The following FAM53A variants were observed in gnomAD, a reference collection of about 807,000 sequenced individuals.
FAM53A encodes protein FAM53A.
A neutral mutation model predicts 26.6 loss-of-function variants in FAM53A; 28 were observed. The ratio of observed to expected loss-of-function variants is 1.05; its 90% confidence interval spans 0.78 to 1.45. The LOEUF (loss-of-function observed/expected upper bound fraction) is 1.45. Ranked by LOEUF, FAM53A falls within the 40% of genes most tolerant of loss-of-function variation. The pLI, the probability that FAM53A is intolerant of heterozygous loss-of-function variation, is 0.00. For synonymous variants in FAM53A, 290 were observed against 253.1 expected, an observed-to-expected ratio of 1.15 and a Z score of -1.38; for missense variants, 650 against 575.8, an observed-to-expected ratio of 1.13 and a Z score of -1.32.
At chr4:1,642,138 C>T (rs1271373234) in intron 4 of FAM53A, among the ~76,000 whole-genome samples, 1 of 152,194 alleles carries the variant, frequency 6.6e-6, no homozygotes, top group Non-Finnish European at 1.5e-5. Context: ...AACCCCACCT[C>T]GTCGGTGTCC....
the FAM53A span, among the ~76,000 whole-genome samples, chr4:1,603,400 A>C: frequency 6.6e-6 from 1 of 152,170 alleles, no homozygotes; most frequent in African/African-American, 2.4e-5. Flanking sequence ...CGACCACAGC[A>C]ACAGAGAGGC....
At chr4:1,622,788 C>T (rs1379526174) in intron 1 of FAM53A, among the ~76,000 whole-genome samples, 2 of 152,216 alleles carry the variant, frequency 1.3e-5, no homozygotes, top group African/African-American at 4.8e-5. Flanking sequence ...CATTTCCAAG[C>T]CCTCCAAAGG....
At chr4:1,646,580 GC>G (rs919954546) in intron 4 of FAM53A, among the ~76,000 whole-genome samples, 34 of 152,188 alleles carry the variant, frequency 2.2e-4, no homozygotes, top group Admixed American at 3.9e-4. Context: ...TGCAGCAGAG[GC>G]CCCCCCATGG....
At chr4:1,597,089 G>T in the FAM53A span, among the ~76,000 whole-genome samples, 1 of 152,132 alleles carries the variant, frequency 6.6e-6, no homozygotes, top group South Asian at 2.1e-4. Context: ...GTGGGGCAGG[G>T]CCTTCTTTTC....
intron 1 of FAM53A, among the ~76,000 whole-genome samples, chr4:1,680,052 G>A (rs1404136337): frequency 6.8e-6 from 1 of 146,590 alleles, no homozygotes; most frequent in Non-Finnish European, 1.5e-5. Flanking sequence ...CGGGCACGGT[G>A]GCTCACACCT....
At chr4:1,575,593 G>A in the FAM53A span, among the ~76,000 whole-genome samples, 2 of 152,112 alleles carry the variant, frequency 1.3e-5, no homozygotes, top group African/African-American at 2.4e-5. Context: ...CGCCTTGCCC[G>A]AAGCTGAGTA....
the FAM53A span, among the ~76,000 whole-genome samples, chr4:1,579,427 AC>A: frequency 2.7e-5 from 4 of 147,120 alleles, no homozygotes; most frequent in African/African-American, 2.5e-5. Flanking sequence ...CGCCTGCGCC[AC>A]CCCCCCGCCC....
intron 1 of FAM53A, among the ~76,000 whole-genome samples, chr4:1,626,585 TAG>T (rs1431871855): frequency 7.0e-6 from 1 of 142,740 alleles, no homozygotes; most frequent in Non-Finnish European, 1.5e-5. Flanking sequence ...TGGGACAGTG[TAG>T]ACTCTCAGCC....
intron 1 of FAM53A, among the ~76,000 whole-genome samples, chr4:1,625,699 T>C (rs13121453): frequency 5.3e-4 from 53 of 99,434 alleles, no homozygotes; most frequent in African/African-American, 1.5e-3. Context: ...CAGAAGGCCC[T>C]ACGTACCAGC....
chr4:1,652,840 C>T (rs936600024), intron 4 of FAM53A, among the ~76,000 whole-genome samples: 3 of 145,854 alleles, frequency 2.1e-5, no homozygotes, highest in East Asian at 2.1e-4. Flanking sequence ...ACACACCACA[C>T]GCTACACACC....
rs2108903468 is a variant in FAM53A at position 1,655,069 on chromosome 4, A to G, written c.791T>C (p.Val264Ala). The change falls in exon 4 of 5, where the codon GTG becomes GCG. Residue 264 changes from valine to alanine, a missense_variant. Coordinates refer to ENST00000308132, the MANE Select transcript of FAM53A (RefSeq NM_001174070.3). ...GCGCCGGCTCCTCTTCCCACTGAGCACGCAAGGCTGTGAGCGGCACCGGAG... is the reference window on the plus strand; with the variant it reads ...GCGCCGGCTCCTCTTCCCACTGAGCGCGCAAGGCTGTGAGCGGCACCGGAG... ...GLLRCRSQPC[V>A]LSGKRSRRKR... The G allele has an allele frequency of 1.9e-6, 3 of 1,600,852 alleles. No individual in the cohort carries two copies. The highest frequency in any genetic ancestry group is 2.3e-5 in the East Asian group (1 of 44,298).
chr4:1,641,720 CA>C, intron 4 of FAM53A, 113 bp from the exon 5 acceptor site: 1 of 1,074,716 alleles, frequency 9.3e-7, no homozygotes, highest in South Asian at 1.3e-5. Context: ...TCCCCAAGAC[CA>C]CACAAAGCAG....
In FAM53A at chr4:1,655,155, G is replaced by A; in HGVS notation, c.705C>T (p.Pro235=). 6.3e-7 allele frequency: 1 copy of A among 1,580,604 alleles called. No individual in the cohort carries two copies. The highest frequency in any genetic ancestry group is 8.6e-7 in the Non-Finnish European group (1 of 1,167,440). Residue 235 remains proline (P), a synonymous_variant, in exon 4 of 5, where the codon CCC becomes CCT. Coordinates refer to ENST00000308132, the MANE Select transcript of FAM53A (RefSeq NM_001174070.3). ...TGGGGCTGCTGCTGGCCCAGGGCAG[G>A]GGAGTGCCCGCACCCGCGAGTCGCT... ...SQERLAGAGT[P]LPWASSSPTS...
At chr4:1,664,276 G>T (rs992920033) in intron 2 of FAM53A, among the ~76,000 whole-genome samples, 1 of 152,142 alleles carries the variant, frequency 6.6e-6, no homozygotes, top group Non-Finnish European at 1.5e-5. Flanking sequence ...TCTAGAATGC[G>T]CTATGAAATC....
rs755904567 is a variant in FAM53A at position 1,655,039 on chromosome 4, C to T, written c.821G>A (p.Arg274Gln). 1.2e-5 allele frequency: 19 copies of T among 1,581,532 alleles called. No individual in the cohort carries two copies. The highest frequency in any genetic ancestry group is 6.8e-5 in the East Asian group (3 of 43,798). ...CCACCTGGCGTCCTCCTCACGCCTC[C>T]GTTTGCGCCGGCTCCTCTTCCCACT... Reference protein sequence around the residue: ...VLSGKRSRRKRRREEDARWTR... With the variant: ...VLSGKRSRRKQRREEDARWTR... Residue 274 changes from arginine to glutamine, a missense_variant, in exon 4 of 5, where the codon CGG becomes CAG. Arg to Gln is a conservative substitution (Grantham distance 43). Transcript: ENST00000308132.
chr4:1,626,372 G>A (rs1272262584), intron 1 of FAM53A, among the ~76,000 whole-genome samples: 5 of 152,246 alleles, frequency 3.3e-5, no homozygotes, highest in Non-Finnish European at 7.3e-5. Flanking sequence ...AGCCCAGGGA[G>A]CCCGACGCAG....
At chr4:1,618,044 A>C (rs1343296180) in exon 2 of FAM53A, 1 of 456,334 alleles carries the variant, frequency 2.2e-6, no homozygotes, top group South Asian at 1.5e-5. Flanking sequence ...AGATGCCGTG[A>C]AGATGGGAAG....
intron 4 of FAM53A, among the ~76,000 whole-genome samples, chr4:1,650,554 T>G (rs2108867080): frequency 6.6e-6 from 1 of 152,264 alleles, no homozygotes. Flanking sequence ...TGGAGTGCAG[T>G]GGCGTGATCT....
intron 1 of FAM53A, among the ~76,000 whole-genome samples, chr4:1,678,943 A>T (rs1715219301): frequency 6.6e-6 from 1 of 152,268 alleles, no homozygotes. Flanking sequence ...AGAGAAAAAT[A>T]TAGATGACTT....
Sources: allele counts gnomAD v4.1 joint callset (sites outside exome capture counted in the v4.1 genomes callset), GRCh38; gene constraint gnomAD v4.1.1; transcripts MANE v1.5; gene names NCBI Gene and HGNC (gene_info 2026-07-23, HGNC 2026-07-21).